RBBP8: variants seen among roughly 807,000 people sequenced by gnomAD.
The protein encoded by RBBP8 is RB binding protein 8, endonuclease.
Under a neutral mutation model 108.3 loss-of-function variants are expected in RBBP8, and 88 were observed. That is an observed-to-expected ratio of 0.81 (90% CI 0.68 to 0.97). The LOEUF (loss-of-function observed/expected upper bound fraction) is 0.97, where lower values mean the gene tolerates loss of function less well. Ranked by LOEUF, RBBP8 falls within the 50% of genes least tolerant of loss-of-function variation. The pLI is 0.00. For missense variants in RBBP8, 1,023 were observed against 1,049.0 expected, an observed-to-expected ratio of 0.98 and a Z score of 0.34; for synonymous variants, 332 against 348.2, an observed-to-expected ratio of 0.95 and a Z score of 0.52.
At chr18:22,940,240 TATATAGTA>T (rs1172274350) in intron 2 of RBBP8, among the ~76,000 whole-genome samples, 1 of 152,062 alleles carries the variant, frequency 6.6e-6, no homozygotes, top group Non-Finnish European at 1.5e-5. Context: ...TAGATTGCTT[TATATAGTA>T]TTGACATCTT....
chr18:22,922,841 T>C (rs1909649231), intron 3 of RBBP8, among the ~76,000 whole-genome samples: 1 of 152,210 alleles, frequency 6.6e-6, no homozygotes, highest in South Asian at 2.1e-4. Context: ...AATTTTGCCA[T>C]TGGGTTAGAT....
rs185730642 is a variant in RBBP8 at position 22,996,795 on chromosome 18, G to A, written c.2028+333G>A. 1.7e-3 allele frequency among the ~76,000 whole-genome samples: 255 copies of A among 152,288 alleles called. 1 individual carries two copies. The highest frequency in any genetic ancestry group is 5.8e-3 in the South Asian group (28 of 4,826). ...GAGAATCACTTGAAGCCAGGAATTCGAGACCAGCCTGGGCAATATAGCAAG... is the reference window on the plus strand; with the variant it reads ...GAGAATCACTTGAAGCCAGGAATTCAAGACCAGCCTGGGCAATATAGCAAG... On this transcript the variant is annotated intron_variant, in intron 13 of 18. Coordinates refer to ENST00000327155, the MANE Select transcript of RBBP8 (RefSeq NM_002894.3).
chr18:23,011,460 CAG>C lies in RBBP8; in HGVS notation c.2357+5031_2357+5032del, dbSNP rs931238294. On this transcript the variant is annotated intron_variant, in intron 16 of 18. Transcript: ENST00000327155. ...TGCTATTTTTTTTTTTTTTTCGAGA[CAG>C]AGTCTCGCTCTGTCGCCAGGCTGGA... Among the ~76,000 whole-genome samples, 4 of 130,342 alleles carry C rather than the reference CAG, an allele frequency of 3.1e-5. No individual in the cohort carries two copies. In the Admixed American group the frequency reaches 3.4e-4, roughly 11 times the overall value. The allele number at this position is 130,342 out of a possible 152,430, so 85.5% of individuals were successfully genotyped here.
chr18:22,927,587 T>C (rs988137622), intron 3 of RBBP8, among the ~76,000 whole-genome samples: 12 of 152,144 alleles, frequency 7.9e-5, no homozygotes, highest in African/African-American at 2.9e-4. Context: ...GTAAAATATA[T>C]AACAGATTTC....
intron 6 of RBBP8, among the ~76,000 whole-genome samples, chr18:22,981,762 C>T (rs990669498): frequency 2.2e-4 from 33 of 152,334 alleles, no homozygotes; most frequent in Admixed American, 5.9e-4. Context: ...GCCTCCTGTC[C>T]TTCTGTCCCA....
At chr18:23,005,063 T>C (rs535657747) in intron 15 of RBBP8, among the ~76,000 whole-genome samples, 1 of 152,142 alleles carries the variant, frequency 6.6e-6, no homozygotes, top group Non-Finnish European at 1.5e-5. Context: ...CTTGGGAGGC[T>C]GAGGCAAGAG....
At chr18:22,982,697 G>T (rs1915021284) in intron 7 of RBBP8, among the ~76,000 whole-genome samples, 1 of 152,036 alleles carries the variant, frequency 6.6e-6, no homozygotes, top group Admixed American at 6.6e-5. Context: ...GGGATAGAAG[G>T]AAAAAGGAAA....
chr18:22,979,487 A>G (rs544460724), intron 6 of RBBP8, among the ~76,000 whole-genome samples: 1 of 152,238 alleles, frequency 6.6e-6, no homozygotes, highest in African/African-American at 2.4e-5. Flanking sequence ...CTTCCAATTA[A>G]TGTTTCTTAA....
intron 4 of RBBP8, among the ~76,000 whole-genome samples, chr18:22,956,151 G>A (rs1223981566): frequency 6.6e-6 from 1 of 151,784 alleles, no homozygotes; most frequent in African/African-American, 2.4e-5. Flanking sequence ...ACCTTTAAAG[G>A]ACTAAGTAGG....
intron 5 of RBBP8, among the ~76,000 whole-genome samples, chr18:22,974,190 A>G (rs898136732): frequency 6.6e-5 from 10 of 152,198 alleles, no homozygotes; most frequent in Admixed American, 2.6e-4. Flanking sequence ...CACATGCTTA[A>G]CCAGTGACAT....
intron 13 of RBBP8, 143 bp from the exon 14 acceptor site, chr18:22,997,477 A>G: frequency 1.5e-6 from 1 of 649,592 alleles, no homozygotes; most frequent in Non-Finnish European, 2.8e-6. Context: ...CTGTTCGTAA[A>G]GTATAAAAGC....
intron 4 of RBBP8, among the ~76,000 whole-genome samples, chr18:22,964,692 A>C (rs1232223407): frequency 6.6e-6 from 1 of 151,464 alleles, no homozygotes; most frequent in Non-Finnish European, 1.5e-5. Flanking sequence ...GGATCTGACT[A>C]TGTTGCCTGT....
At chr18:22,922,875 T>C (rs1008267923) in intron 3 of RBBP8, among the ~76,000 whole-genome samples, 4 of 152,218 alleles carry the variant, frequency 2.6e-5, no homozygotes, top group African/African-American at 7.2e-5. Context: ...CCTTGGAATA[T>C]AATAAAACTA....
At chr18:22,915,600 T>C (rs1435889238) in intron 2 of RBBP8, 1 of 152,180 alleles carries the variant, frequency 6.6e-6, no homozygotes, top group East Asian at 1.9e-4. Flanking sequence ...TTTGGTAATA[T>C]GGATCAAAAC....
At chr18:22,985,583 A>G (rs1915267135) in intron 8 of RBBP8, among the ~76,000 whole-genome samples, 1 of 152,110 alleles carries the variant, frequency 6.6e-6, no homozygotes, top group East Asian at 1.9e-4. Context: ...AGAGTGAGTA[A>G]AGGGGAGATT....
At chr18:22,955,330 G>A (rs116054470) in intron 4 of RBBP8, among the ~76,000 whole-genome samples, 121 of 152,238 alleles carry the variant, frequency 7.9e-4, no homozygotes, top group African/African-American at 2.6e-3. Context: ...AAAATTTCCT[G>A]TGGGCACACT....
At chr18:23,002,897 C>T (rs1241457595) in intron 15 of RBBP8, among the ~76,000 whole-genome samples, 1 of 152,176 alleles carries the variant, frequency 6.6e-6, no homozygotes. Flanking sequence ...TAAAAATTCA[C>T]AGCTGTTCGG....
intron 2 of RBBP8, among the ~76,000 whole-genome samples, chr18:22,940,010 G>C (rs561807841): frequency 6.6e-6 from 1 of 151,044 alleles, no homozygotes; most frequent in Admixed American, 6.6e-5. Context: ...GGATAGTTAG[G>C]TTTAGTTCTA....
At position 23,021,034 on chromosome 18, in the gene RBBP8, G is replaced by A. The variant is rs117385179; in HGVS notation, c.2455-1095G>A. ...CTTCAAACTTAAATTCTAGTTTTAA[G>A]TCTGTCACTTTCAATAGGTGATATC... On this transcript the variant is annotated intron_variant, in intron 17 of 18. Coordinates refer to ENST00000327155, the MANE Select transcript of RBBP8 (RefSeq NM_002894.3). Among the ~76,000 whole-genome samples, 152 of 152,296 alleles carry A rather than the reference G, an allele frequency of 1.0e-3. 2 individuals carry two copies. The East Asian group carries it at 0.028, about 28-fold the overall frequency.
Sources: gnomAD v4.1 joint callset for allele counts (sites outside exome capture counted in the v4.1 genomes callset) on GRCh38, gnomAD v4.1.1 for gene constraint, MANE v1.5 for transcripts, NCBI Gene and HGNC (gene_info 2026-07-23, HGNC 2026-07-21) for gene names.